DNAJB14: variants seen among roughly 807,000 people sequenced by gnomAD.
DNAJB14 encodes the protein DnaJ heat shock protein family (Hsp40) member B14, also known as dnaJ homolog subfamily B member 14.
In DNAJB14, 22 loss-of-function variants were observed where a neutral mutation model predicts 48.4. The ratio of observed to expected loss-of-function variants is 0.45; its 90% CI spans 0.32 to 0.65. The LOEUF (loss-of-function observed/expected upper bound fraction) is 0.65. DNAJB14 is among the 30% of genes least tolerant of loss of function. The pLI, the probability that DNAJB14 is intolerant of heterozygous loss-of-function variation, is 0.03. For synonymous variants in DNAJB14, 142 were observed against 158.7 expected, an observed-to-expected ratio of 0.89 and a Z score of 0.79; for missense variants, 319 against 458.8, an observed-to-expected ratio of 0.70 and a Z score of 2.78.
At chr4:99,925,083 C>T (rs111517156) in intron 2 of DNAJB14, 8 of 402,016 alleles carry the variant, frequency 2.0e-5, no homozygotes, top group African/African-American at 8.2e-5. Context: ...CAGGATCCTC[C>T]CTCCTTGAAT....
At chr4:99,906,117 C>T in intron 5 of DNAJB14, 1 of 1,313,778 alleles carries the variant, frequency 7.6e-7, no homozygotes, top group Non-Finnish European at 9.9e-7. Context: ...GTCTAGTGCT[C>T]TTTCCATTTA....
chr4:99,928,984 T>C (rs1428462459), intron 2 of DNAJB14: 1 of 153,138 alleles, frequency 6.5e-6, no homozygotes, highest in East Asian at 1.9e-4. Flanking sequence ...GTACTATAAG[T>C]ATAAAAATGG....
In DNAJB14 at chr4:99,899,335, T is replaced by C. The variant is rs962604413; in HGVS notation, c.*1693A>G. The C allele has an allele frequency of 3.9e-5, 6 of 152,078 alleles. No individual in the cohort carries two copies. Among genetic ancestry groups the C allele is most frequent in the African/African-American group, 1.4e-4 (6 of 41,400 alleles). 9.4% of individuals were successfully genotyped at this position (152,078 alleles called of 1,614,324 possible). On this transcript the variant is annotated 3_prime_UTR_variant, in exon 8 of 8. Coordinates refer to ENST00000442697, the MANE Select transcript of DNAJB14 (RefSeq NM_001031723.4). The stretch of plus-strand genomic sequence containing the variant: ...TTAAAATGCTATGAACTTATATTTT[T>C]AAAAACTTACTCTGCAGGCTCAACA...
intron 2 of DNAJB14, chr4:99,928,584 C>T (rs1346094850): frequency 2.2e-6 from 1 of 450,602 alleles, no homozygotes; most frequent in African/African-American, 2.0e-5. Flanking sequence ...TTATTTCTAC[C>T]ACACCTTGGA....
rs1451406295 is a variant in DNAJB14, at chr4:99,899,915, C to G, written c.*1113G>C. 6.6e-6 allele frequency: 1 copy of G among 152,092 alleles called. No homozygotes were observed. The highest frequency in any genetic ancestry group is 1.5e-5 in the Non-Finnish European group (1 of 67,800). 9.4% of individuals were successfully genotyped at this position (152,092 alleles called of 1,614,324 possible). A position where few individuals can be genotyped will look rare whatever the true frequency, so the allele number is the denominator to read the frequency against. ...TTAGCTCAGAATTTTTAAAGGATGACTTGCTTTAAGTTACTATTCTACGTG... is the reference window on the plus strand; with the variant it reads ...TTAGCTCAGAATTTTTAAAGGATGAGTTGCTTTAAGTTACTATTCTACGTG... On this transcript the variant is annotated 3_prime_UTR_variant, in exon 8 of 8. Coordinates refer to ENST00000442697, the MANE Select transcript of DNAJB14 (RefSeq NM_001031723.4).
intron 4 of DNAJB14, 143 bp downstream of exon 4, chr4:99,908,568 C>A (rs1352655946): frequency 2.1e-5 from 12 of 574,516 alleles, no homozygotes; most frequent in Non-Finnish European, 3.3e-5. Flanking sequence ...ATATTTTTCT[C>A]CTGCTTTCAT....
chr4:99,926,727 T>A (rs1007051840), intron 2 of DNAJB14: 3 of 151,750 alleles, frequency 2.0e-5, no homozygotes, highest in Non-Finnish European at 4.4e-5. Context: ...AGCTAAGAAT[T>A]GCCACAGACA....
chr4:99,946,536 G>C lies in DNAJB14; in HGVS notation c.36C>G (p.Val12=), dbSNP rs200664201. The C allele has an allele frequency of 9.8e-5, 158 of 1,613,740 alleles. No individual in the cohort carries two copies. The highest frequency in any genetic ancestry group is 2.3e-5 in the Non-Finnish European group (27 of 1,179,788). The change falls in exon 1 of 8, where the codon GTC becomes GTG. Residue 12 remains valine, a synonymous_variant. Transcript: ENST00000442697. ...EGNRDEAEKC[V]EIAREALNAG... ...CGTTCAGGGCCTCCCGGGCGATCTC[G>C]ACACATTTCTCAGCCTCATCCCTGT... is the stretch of plus-strand genomic sequence containing the variant.
Position 99,923,116 on chromosome 4 carries a change from T to G in DNAJB14, c.375A>C (p.Lys125Asn). 6.2e-7 allele frequency: 1 copy of G among 1,612,680 alleles called. No individual in the cohort carries two copies. Among genetic ancestry groups the G allele is most frequent in the Non-Finnish European group, 8.5e-7 (1 of 1,179,284 alleles). Residue 125 changes from lysine (K) to asparagine (N), a missense_variant, in exon 3 of 8, where the codon AAA (lysine) becomes AAC (asparagine). By Grantham distance (94) the Lys-to-Asn change is moderately conservative. Around this residue, in one of 3 missense-constraint regions of DNAJB14, gnomAD observed 37 missense variants for 87.8 expected, o/e 0.42. Coordinates refer to ENST00000442697, the MANE Select transcript of DNAJB14 (RefSeq NM_001031723.4). ...VTKDAGDEDL[K>N]KAYRKLALKF... is the part of the protein sequence containing the mutation. ...TCAAAGCAAGCTTTCTATAAGCTTT[T>G]TTCAAATCTTCATCACCAGCATCTT...
chr4:99,906,993 C>T (rs1725489635), intron 4 of DNAJB14, among the ~76,000 whole-genome samples: 1 of 152,112 alleles, frequency 6.6e-6, no homozygotes, highest in Non-Finnish European at 1.5e-5. Context: ...CTCTAGAAAT[C>T]AAAAGATAGT....
intron 2 of DNAJB14, chr4:99,927,980 A>G (rs1313687408): frequency 6.6e-6 from 1 of 152,222 alleles, no homozygotes; most frequent in Non-Finnish European, 1.5e-5. Flanking sequence ...TAAAGTACAG[A>G]CTAAAGTATT....
At position 99,918,871 on chromosome 4, in the gene DNAJB14, C is replaced by A. The variant is rs560364339; in HGVS notation, c.451+4169G>T. ...AGGGAGAATGAGCACCCTTTTATTG[C>A]CAGGTGGAGGTGAAAGTCCACATGA... On this transcript the variant is annotated intron_variant, in intron 3 of 7. Transcript: ENST00000442697. 5.3e-5 allele frequency among the ~76,000 whole-genome samples: 8 copies of A among 152,236 alleles called. 1 individual carries two copies. The South Asian group carries it at 1.7e-3, about 32-fold the overall frequency.
At chr4:99,934,649 C>G (rs1415487571) in intron 1 of DNAJB14, among the ~76,000 whole-genome samples, 1 of 150,918 alleles carries the variant, frequency 6.6e-6, no homozygotes, top group Admixed American at 6.6e-5. Context: ...AAAAATTAGC[C>G]GGGCGTGATG....
rs1725560585 is a variant in DNAJB14 at position 99,908,910 on chromosome 4, G to C, written c.452-14C>G. 2 of 1,507,448 alleles carry C rather than the reference G, an allele frequency of 1.3e-6. No homozygotes were observed. The highest frequency in any genetic ancestry group is 4.9e-5 in the East Asian group (2 of 41,228). The allele number at this position is 1,507,448 out of a possible 1,614,324, so 93.4% of individuals were successfully genotyped here. On this transcript the variant is annotated splice_polypyrimidine_tract_variant and intron_variant, in intron 3 of 7. Coordinates refer to ENST00000442697, the MANE Select transcript of DNAJB14 (RefSeq NM_001031723.4). Reference sequence around the variant, plus strand: ...CATTTCCAATCTCTGAAAAAGTAATGAGTAAAAGTTGGTAAGCAAAGTTTT... The same window carrying C: ...CATTTCCAATCTCTGAAAAAGTAATCAGTAAAAGTTGGTAAGCAAAGTTTT...
At chr4:99,922,736 C>T (rs535101785) in intron 3 of DNAJB14, 21 of 200,782 alleles carry the variant, frequency 1.0e-4, no homozygotes, top group African/African-American at 4.2e-4. Context: ...GATGACAATA[C>T]GCTAGAAGCT....
intron 2 of DNAJB14, chr4:99,929,002 C>A (rs1472573464): frequency 2.0e-5 from 3 of 152,632 alleles, no homozygotes; most frequent in Non-Finnish European, 4.4e-5. Context: ...TGGTTAGCAG[C>A]ATTATTTATA....
At chr4:99,919,590 C>A (rs190603044) in intron 3 of DNAJB14, among the ~76,000 whole-genome samples, 9,404 of 151,040 alleles carry the variant, frequency 0.062, 401 homozygotes, top group East Asian at 0.22. Flanking sequence ...TCTTAAAAAA[C>A]AAACAAACAA....
Position 99,916,225 on chromosome 4 carries a change from A to AC in DNAJB14, c.451+6814dup, listed in dbSNP as rs1725850276. Among the ~76,000 whole-genome samples, 4 of 151,962 alleles carry AC rather than the reference A, an allele frequency of 2.6e-5. No individual in the cohort carries two copies. The South Asian group carries it at 8.3e-4, about 32-fold the overall frequency. On this transcript the variant is annotated intron_variant, in intron 3 of 7. Coordinates refer to ENST00000442697, the MANE Select transcript of DNAJB14 (RefSeq NM_001031723.4). ...ACAATCACAGGTCACTGCAGCCTCAACCCCCCAGGCTCAAGTGATTCTCCC... is the reference window on the plus strand; with the variant it reads ...ACAATCACAGGTCACTGCAGCCTCAACCCCCCCAGGCTCAAGTGATTCTCCC...
At chr4:99,912,316 C>T (rs191400024) in intron 3 of DNAJB14, among the ~76,000 whole-genome samples, 4 of 152,270 alleles carry the variant, frequency 2.6e-5, no homozygotes, top group African/African-American at 9.6e-5. Flanking sequence ...ACACTGATTA[C>T]TCCAACTACA....
Sources: allele counts gnomAD v4.1 joint callset (sites outside exome capture counted in the v4.1 genomes callset), GRCh38; gene constraint gnomAD v4.1.1; regional missense constraint gnomAD v4.1.1; transcripts MANE v1.5; gene names NCBI Gene and HGNC (gene_info 2026-07-23, HGNC 2026-07-21).